EIF4A2: variants seen among roughly 807,000 people sequenced by gnomAD.
EIF4A2 encodes eukaryotic initiation factor 4A-II.
Under a neutral mutation model 50.6 loss-of-function variants are expected in EIF4A2, and 9 were observed. The ratio of observed to expected loss-of-function variants is 0.18; its 90% confidence interval spans 0.11 to 0.31. The LOEUF is 0.31. EIF4A2 is among the 10% of genes least tolerant of loss of function. The probability of loss-of-function intolerance (pLI) is 1.00; values close to 1 mark genes in which losing one functional copy is unlikely to be tolerated. For synonymous variants in EIF4A2, 215 were observed against 164.4 expected, an observed-to-expected ratio of 1.31 and a Z score of -2.35; for missense variants, 182 against 501.8, an observed-to-expected ratio of 0.36 and a Z score of 6.09.
intron 1 of EIF4A2, 155 bp from the exon 2 acceptor site, chr3:186,784,277 G>A (rs999513163): frequency 3.6e-6 from 4 of 1,110,176 alleles, no homozygotes; most frequent in East Asian, 2.5e-5. Context: ...CAACCTTTAG[G>A]GAAGGCGCAC....
chr3:186,789,720 T>G lies in EIF4A2; in HGVS notation c.*451T>G. ...TTTTTTTAGAAAGCATTTGAATGCA[T>G]TTTGTTTGGTATTGTATTTATTCAA... On this transcript the variant is annotated 3_prime_UTR_variant, in exon 11 of 11. Coordinates refer to ENST00000323963, the MANE Select transcript of EIF4A2 (RefSeq NM_001967.4). 1 of 397,068 alleles carries G rather than the reference T, an allele frequency of 2.5e-6. No homozygotes were observed. Among genetic ancestry groups the G allele is most frequent in the Non-Finnish European group, 4.5e-6 (1 of 221,838 alleles). The allele number at this position is 397,068 out of a possible 1,614,324, so 24.6% of individuals were successfully genotyped here. A position where few individuals can be genotyped will look rare whatever the true frequency, so the allele number is the denominator to read the frequency against.
intron 10 of EIF4A2, chr3:186,788,529 GGTTTGTATT>G: frequency 2.2e-6 from 2 of 909,290 alleles, no homozygotes; most frequent in Non-Finnish European, 2.9e-6. Context: ...CTTATTAGGT[GGTTTGTATT>G]GTCTGGTTTC....
chr3:186,783,749 AG>A, intron 1 of EIF4A2, 110 bp downstream of exon 1: 1 of 1,549,506 alleles, frequency 6.5e-7, no homozygotes, highest in Non-Finnish European at 8.9e-7. Context: ...ACGTTTTCTT[AG>A]GGTACAGCAC....
intron 8 of EIF4A2, 101 bp downstream of exon 8, chr3:186,787,365 A>G (rs1248948033): frequency 6.2e-7 from 1 of 1,611,484 alleles, no homozygotes; most frequent in South Asian, 1.1e-5. Context: ...CTTAAAATAA[A>G]GTTGTTTCTT....
Position 186,785,489 on chromosome 3 carries a change from C to T in EIF4A2, c.348+388C>T, listed in dbSNP as rs554844060. 159 of 298,290 alleles carry T rather than the reference C, an allele frequency of 5.3e-4. 1 individual carries two copies. The highest frequency in any genetic ancestry group is 2.1e-3 in the Middle Eastern group (2 of 940). 18.5% of individuals were successfully genotyped at this position (298,290 alleles called of 1,614,324 possible). A position where few individuals can be genotyped will look rare whatever the true frequency, so the allele number is the denominator to read the frequency against. ...TATATTGGCTTTGAAGTAAACCTTC[C>T]TAATAAAGCTGTAGGCTTTATTGAG... On this transcript the variant is annotated intron_variant, in intron 4 of 10. Coordinates refer to ENST00000323963, the MANE Select transcript of EIF4A2 (RefSeq NM_001967.4).
chr3:186,785,506 T>A (rs1470707792), intron 4 of EIF4A2: 3 of 297,574 alleles, frequency 1.0e-5, no homozygotes, highest in African/African-American at 6.4e-5. Context: ...AGCTGTAGGC[T>A]TTATTGAGGT....
intron 10 of EIF4A2, chr3:186,788,141 C>T (rs17299991): frequency 0.033 from 21,609 of 662,556 alleles, 482 homozygotes; most frequent in Non-Finnish European, 0.043. Flanking sequence ...TAGTGATGTT[C>T]TTGTGTCCAT....
intron 10 of EIF4A2, chr3:186,788,293 CTT>C (rs1019674772): frequency 7.7e-6 from 10 of 1,291,092 alleles, no homozygotes; most frequent in African/African-American, 4.6e-5. Context: ...TAAAAAAAGA[CTT>C]TTTAAAAAAT....
intron 7 of EIF4A2, 113 bp downstream of exon 7, chr3:186,786,758 C>A: frequency 2.1e-6 from 3 of 1,418,448 alleles, no homozygotes; most frequent in Non-Finnish European, 3.0e-6. Flanking sequence ...AGAGTACACA[C>A]AAGAAGAAAA....
chr3:186,789,045 G>T (rs1212734495), intron 10 of EIF4A2, 80 bp from the exon 11 acceptor site: 1 of 1,504,846 alleles, frequency 6.6e-7, no homozygotes, highest in Non-Finnish European at 8.9e-7. Context: ...ACAGCAGCTG[G>T]TGGTTAACAA....
At position 186,789,550 on chromosome 3, in the gene EIF4A2, G is replaced by A; in HGVS notation, c.*281G>A. ...ATTTATTTCCTAGTTCTGTAGAAAT[G>A]GTTGTATTAGATGTTCTCTATCATT... On this transcript the variant is annotated 3_prime_UTR_variant, in exon 11 of 11. Transcript: ENST00000323963. 1 of 357,760 alleles carries A rather than the reference G, an allele frequency of 2.8e-6. No homozygotes were observed. Among genetic ancestry groups the A allele is most frequent in the South Asian group, 7.5e-5 (1 of 13,302 alleles). 22.2% of individuals were successfully genotyped at this position (357,760 alleles called of 1,614,324 possible). A position where few individuals can be genotyped will look rare whatever the true frequency, so the allele number is the denominator to read the frequency against.
intron 10 of EIF4A2, chr3:186,788,557 A>G: frequency 1.6e-6 from 1 of 636,928 alleles, no homozygotes; most frequent in Non-Finnish European, 2.2e-6. Context: ...TCTAACATGC[A>G]GGTAGCTGTT....
At chr3:186,786,685 A>G (rs776351814) in intron 7 of EIF4A2, 40 bp downstream of exon 7, 12 of 1,613,014 alleles carry the variant, frequency 7.4e-6, no homozygotes, top group Non-Finnish European at 9.3e-6. Flanking sequence ...ACCTTCTTGT[A>G]TAAGCACTGT....
chr3:186,785,734 A>T, intron 4 of EIF4A2, 149 bp from the exon 5 acceptor site: 1 of 977,598 alleles, frequency 1.0e-6, no homozygotes, highest in Non-Finnish European at 1.5e-6. Context: ...TGCAGCAGTT[A>T]GGTCGTCTGC....
rs775693704 is a variant in EIF4A2 at position 186,783,649 on chromosome 3, C to G, written c.29+10C>G. 3.1e-6 allele frequency: 5 copies of G among 1,614,084 alleles called. No individual in the cohort carries two copies. The highest frequency in any genetic ancestry group is 4.2e-6 in the Non-Finnish European group (5 of 1,180,008). ...CCGCGGATTATAACAGGTATGCAGT[C>G]TGTTGGCGGTCGCGGTCTGTAGTGA... On this transcript the variant is annotated intron_variant, in intron 1 of 10. Transcript: ENST00000323963.
intron 1 of EIF4A2, chr3:186,784,124 C>A (rs1204480058): frequency 3.9e-6 from 2 of 507,056 alleles, no homozygotes; most frequent in Non-Finnish European, 7.1e-6. Flanking sequence ...CGCCAGGCCG[C>A]TCCGCCCGCG....
Position 186,786,102 on chromosome 3 carries a change from G to A in EIF4A2, c.517+51G>A, listed in dbSNP as rs754821850. 12 of 1,600,528 alleles carry A rather than the reference G, an allele frequency of 7.5e-6. No homozygotes were observed. In the Admixed American group the frequency reaches 8.4e-5, roughly 11 times the overall value. The stretch of plus-strand genomic sequence containing the variant: ...TTTTTTTAAAACTGTTAACATAGTT[G>A]AAAAGTCAAATTGTATCACTGAGTA... On this transcript the variant is annotated intron_variant, in intron 5 of 10. Coordinates refer to ENST00000323963, the MANE Select transcript of EIF4A2 (RefSeq NM_001967.4).
In EIF4A2 at chr3:186,789,344, TC is replaced by T; in HGVS notation, c.*76del. 6.6e-7 allele frequency: 1 copy of T among 1,514,544 alleles called. No individual in the cohort carries two copies. The highest frequency in any genetic ancestry group is 8.9e-7 in the Non-Finnish European group (1 of 1,129,132). The allele number at this position is 1,514,544 out of a possible 1,614,324, so 93.8% of individuals were successfully genotyped here. A position where few individuals can be genotyped will look rare whatever the true frequency, so the allele number is the denominator to read the frequency against. ...GATCACAACGTGCATTGTGCTTCTT[TC>T]TTTGGGAATATTTGAATCTTGTCTC... is the stretch of plus-strand genomic sequence containing the variant. On this transcript the variant is annotated 3_prime_UTR_variant, in exon 11 of 11. Coordinates refer to ENST00000323963, the MANE Select transcript of EIF4A2 (RefSeq NM_001967.4).
chr3:186,787,016 C>T (rs1324866511), intron 7 of EIF4A2, 111 bp from the exon 8 acceptor site: 2 of 1,472,190 alleles, frequency 1.4e-6, no homozygotes, highest in African/African-American at 1.4e-5. Flanking sequence ...TGCTAGGATC[C>T]CAAAGGGCTG....
Sources: allele counts gnomAD v4.1 joint callset, GRCh38; gene constraint gnomAD v4.1.1; transcripts MANE v1.5; gene names NCBI Gene and HGNC (gene_info 2026-07-23, HGNC 2026-07-21).